CEP112: variants seen among roughly 807,000 people sequenced by gnomAD.
CEP112 encodes centrosomal protein 112, also known as centrosomal protein of 112 kDa.
A neutral mutation model predicts 153.0 loss-of-function variants in CEP112; 127 were observed. The ratio of observed to expected loss-of-function variants is 0.83; its 90% CI spans 0.72 to 0.96. The LOEUF is 0.96. Ranked by LOEUF, CEP112 falls within the 40% of genes least tolerant of loss-of-function variation. The pLI, the probability that CEP112 is intolerant of heterozygous loss-of-function variation, is 0.00. For missense variants in CEP112, 1,089 were observed against 1,101.2 expected, an observed-to-expected ratio of 0.99 and a Z score of 0.16; for synonymous variants, 358 against 374.4, an observed-to-expected ratio of 0.96 and a Z score of 0.51.
At chr17:66,070,313 T>C (rs1228568506) in intron 8 of CEP112, among the ~76,000 whole-genome samples, 1 of 152,202 alleles carries the variant, frequency 6.6e-6, no homozygotes, top group East Asian at 1.9e-4. Flanking sequence ...AGTGATATTT[T>C]GCTTTTACAT....
At chr17:65,859,976 C>T (rs914809959) in intron 20 of CEP112, among the ~76,000 whole-genome samples, 3 of 142,616 alleles carry the variant, frequency 2.1e-5, no homozygotes, top group South Asian at 2.2e-4. Flanking sequence ...GATTGCGCCA[C>T]GGCACTGCAG....
rs189979199 is a variant in CEP112 at position 66,011,399 on chromosome 17, T to C, written c.1657-5630A>G. Among the ~76,000 whole-genome samples, 222 of 152,286 alleles carry C rather than the reference T, an allele frequency of 1.5e-3. 1 individual carries two copies. The highest frequency in any genetic ancestry group is 2.4e-3 in the Non-Finnish European group (165 of 68,016). On this transcript the variant is annotated intron_variant, in intron 16 of 26. Transcript: ENST00000535342. ...CACTCTTAACACTGCCTTTGCTATATCCCAGAGATTCTGGTACATTTTATC... is the reference window on the plus strand; with the variant it reads ...CACTCTTAACACTGCCTTTGCTATACCCCAGAGATTCTGGTACATTTTATC...
chr17:65,981,369 C>A (rs1266905269), intron 17 of CEP112, among the ~76,000 whole-genome samples: 1 of 152,086 alleles, frequency 6.6e-6, no homozygotes, highest in African/African-American at 2.4e-5. Flanking sequence ...ATGAAGAAAC[C>A]AGCATATTCG....
intron 19 of CEP112, among the ~76,000 whole-genome samples, chr17:65,916,563 G>A (rs1226597247): frequency 6.6e-6 from 1 of 151,146 alleles, no homozygotes; most frequent in Non-Finnish European, 1.5e-5. Flanking sequence ...GAAATGGGTG[G>A]GTGGGGTCTT....
chr17:65,804,204 TTAAA>T (rs2055451969), intron 21 of CEP112, among the ~76,000 whole-genome samples: 1 of 152,168 alleles, frequency 6.6e-6, no homozygotes, highest in Non-Finnish European at 1.5e-5. Flanking sequence ...ACATGTTAAT[TTAAA>T]TAAACACAAG....
intron 20 of CEP112, among the ~76,000 whole-genome samples, chr17:65,889,525 C>T (rs562481557): frequency 7.9e-5 from 12 of 152,240 alleles, no homozygotes; most frequent in African/African-American, 2.9e-4. Flanking sequence ...GACCTACCTT[C>T]CCACTTTCTT....
At chr17:66,137,306 GT>G (rs2070478894) in intron 4 of CEP112, among the ~76,000 whole-genome samples, 1 of 151,998 alleles carries the variant, frequency 6.6e-6, no homozygotes, top group Admixed American at 6.6e-5. Flanking sequence ...GAGCAAAAAT[GT>G]TTTTAAAAGA....
At chr17:66,188,284 CAA>C (rs765723232) in intron 1 of CEP112, among the ~76,000 whole-genome samples, 2,870 of 49,296 alleles carry the variant, frequency 0.058, 43 homozygotes, top group Non-Finnish European at 0.099. Context: ...ACCACACACA[CAA>C]ACACACACAC....
intron 12 of CEP112, among the ~76,000 whole-genome samples, chr17:66,034,929 G>C (rs999807674): frequency 2.1e-5 from 3 of 144,838 alleles, no homozygotes; most frequent in Non-Finnish European, 4.5e-5. Context: ...CTCCCAAGTA[G>C]CTGGGACTAC....
chr17:65,843,387 C>T (rs2057598778), intron 21 of CEP112, among the ~76,000 whole-genome samples: 1 of 151,896 alleles, frequency 6.6e-6, no homozygotes, highest in African/African-American at 2.4e-5. Context: ...ATAATTCTAA[C>T]CTGAGGATAA....
intron 17 of CEP112, among the ~76,000 whole-genome samples, chr17:66,000,630 C>T (rs1210670351): frequency 6.6e-6 from 1 of 152,118 alleles, no homozygotes; most frequent in Admixed American, 6.5e-5. Flanking sequence ...GGCAGCAGAG[C>T]ACTGCGCCCA....
chr17:65,821,532 A>AATTATATATATATATATAAT (rs1421031863), intron 21 of CEP112, among the ~76,000 whole-genome samples: 1 of 26,676 alleles, frequency 3.7e-5, no homozygotes, highest in African/African-American at 1.5e-4. Flanking sequence ...ATATATATAT[A>AATTATATATATATATATAAT]TATATATATT....
intron 2 of CEP112, chr17:66,182,491 T>C (rs1020587475): frequency 1.3e-5 from 2 of 152,174 alleles, no homozygotes; most frequent in Non-Finnish European, 2.9e-5. Flanking sequence ...TTACAGAAAG[T>C]AAAAGCCATA....
chr17:65,826,051 T>G (rs977310702), intron 21 of CEP112: 2 of 1,331,122 alleles, frequency 1.5e-6, no homozygotes, highest in South Asian at 2.5e-5. Context: ...TGAGATGAAT[T>G]ACCAATGCCT....
chr17:65,887,550 C>CGTAT (rs2059324407), intron 20 of CEP112, among the ~76,000 whole-genome samples: 1 of 152,190 alleles, frequency 6.6e-6, no homozygotes, highest in Non-Finnish European at 1.5e-5. Flanking sequence ...TGCAAGCATA[C>CGTAT]ACCTGTTTGT....
intron 5 of CEP112, among the ~76,000 whole-genome samples, chr17:66,130,506 T>C (rs1223291051): frequency 6.6e-6 from 1 of 152,092 alleles, no homozygotes; most frequent in East Asian, 1.9e-4. Flanking sequence ...TTGGGCACAG[T>C]GGCTCACACC....
At chr17:66,074,002 G>A (rs188338886) in intron 8 of CEP112, among the ~76,000 whole-genome samples, 1 of 152,036 alleles carries the variant, frequency 6.6e-6, no homozygotes, top group East Asian at 1.9e-4. Context: ...TAAGGCCCAA[G>A]ATGACTCTAC....
rs1326073996 is a variant in CEP112 at position 65,742,509 on chromosome 17, GT to G, written c.2607+558del. The stretch of plus-strand genomic sequence containing the variant: ...ACTGCCTATCACTGAAAGAATCGGG[GT>G]CCAGAGAATTTTCTGGTGCTATTAA... On this transcript the variant is annotated intron_variant, in intron 23 of 26. Transcript: ENST00000535342. Among the ~76,000 whole-genome samples the G allele has an allele frequency of 2.0e-5, 3 of 152,270 alleles. No individual in the cohort carries two copies. The East Asian group carries it at 5.8e-4, about 29-fold the overall frequency.
At chr17:66,036,661 G>T (rs532573645) in intron 12 of CEP112, among the ~76,000 whole-genome samples, 1 of 152,176 alleles carries the variant, frequency 6.6e-6, no homozygotes, top group African/African-American at 2.4e-5. Context: ...GATTAACGTG[G>T]CCACAGTTGC....
Sources: allele counts gnomAD v4.1 joint callset (sites outside exome capture counted in the v4.1 genomes callset), GRCh38; gene constraint gnomAD v4.1.1; transcripts MANE v1.5; gene names NCBI Gene and HGNC (gene_info 2026-07-23, HGNC 2026-07-21).